PRR16: variants seen among roughly 807,000 people sequenced by gnomAD.
The protein encoded by PRR16 is protein Largen.
PRR16 carries 6 observed loss-of-function variants against 18.2 expected under a neutral mutation model. The observed-to-expected ratio is 0.33, with a 90% CI of 0.18 to 0.65. The LOEUF is 0.65. PRR16 is among the 30% of genes least tolerant of loss of function. The probability of loss-of-function intolerance (pLI) is 0.74; values close to 1 mark genes in which losing one functional copy is unlikely to be tolerated. For missense variants in PRR16, 412 were observed against 376.6 expected, an observed-to-expected ratio of 1.09 and a Z score of -0.78; for synonymous variants, 151 against 147.8, an observed-to-expected ratio of 1.02 and a Z score of -0.16.
chr5:120,505,897 A>G (rs1750627147), intron 1 of PRR16, among the ~76,000 whole-genome samples: 1 of 151,028 alleles, frequency 6.6e-6, no homozygotes, highest in African/African-American at 2.4e-5. Flanking sequence ...AGTAATATGT[A>G]TATATATACA....
At chr5:120,757,564 G>C in the PRR16 span, among the ~76,000 whole-genome samples, 2 of 151,836 alleles carry the variant, frequency 1.3e-5, no homozygotes, top group African/African-American at 2.4e-5. Context: ...GAAAAATAAT[G>C]TGGTGTTTGA....
the PRR16 span, among the ~76,000 whole-genome samples, chr5:120,704,189 G>T: frequency 6.6e-6 from 1 of 152,114 alleles, no homozygotes; most frequent in African/African-American, 2.4e-5. Context: ...TGTTGGTGGT[G>T]GAGAAGGACA....
intron 1 of PRR16, among the ~76,000 whole-genome samples, chr5:120,609,874 A>G (rs900171426): frequency 1.3e-5 from 2 of 152,172 alleles, no homozygotes; most frequent in Non-Finnish European, 2.9e-5. Flanking sequence ...TGGTCCCAGA[A>G]TTACTTTTTG....
chr5:120,703,086 C>A, the PRR16 span, among the ~76,000 whole-genome samples: 18 of 151,926 alleles, frequency 1.2e-4, no homozygotes, highest in African/African-American at 4.4e-4. Flanking sequence ...AAGGGTGGGG[C>A]CATTTTATAG....
chr5:120,656,922 A>C (rs1225848295), intron 1 of PRR16, among the ~76,000 whole-genome samples: 1 of 152,018 alleles, frequency 6.6e-6, no homozygotes, highest in East Asian at 1.9e-4. Context: ...GGAATATTTG[A>C]GGTTAAAATA....
At chr5:120,574,996 A>T (rs1753026367) in intron 1 of PRR16, among the ~76,000 whole-genome samples, 1 of 148,804 alleles carries the variant, frequency 6.7e-6, no homozygotes, top group South Asian at 2.1e-4. Flanking sequence ...AGTGCATTTC[A>T]ATAAGGTGTT....
intron 1 of PRR16, among the ~76,000 whole-genome samples, chr5:120,658,775 G>A (rs1756073518): frequency 6.6e-6 from 1 of 151,958 alleles, no homozygotes; most frequent in Admixed American, 6.6e-5. Flanking sequence ...TTATATGAGA[G>A]TGAAATCATA....
At chr5:120,638,298 G>A (rs937711248) in intron 1 of PRR16, among the ~76,000 whole-genome samples, 1 of 152,064 alleles carries the variant, frequency 6.6e-6, no homozygotes, top group Non-Finnish European at 1.5e-5. Flanking sequence ...TATAGAAATG[G>A]CATCACAGGT....
the PRR16 span, among the ~76,000 whole-genome samples, chr5:120,700,055 G>A: frequency 6.6e-6 from 1 of 152,146 alleles, no homozygotes; most frequent in African/African-American, 2.4e-5. Context: ...CAAAGCAATA[G>A]TAAAGAAAGC....
the PRR16 span, among the ~76,000 whole-genome samples, chr5:120,728,417 A>G: frequency 3.3e-5 from 5 of 151,916 alleles, no homozygotes; most frequent in African/African-American, 1.2e-4. Context: ...TTTTCTATTA[A>G]GGAGAGAATT....
In PRR16 at chr5:120,686,737, T is replaced by A. The variant is rs1272050842; in HGVS notation, c.*28T>A. On this transcript the variant is annotated 3_prime_UTR_variant, in exon 2 of 2. Coordinates refer to ENST00000407149, the MANE Select transcript of PRR16 (RefSeq NM_001300783.2). ...TATGCCATTAAAAAAATTGTTTTTT[T>A]AATTTTCTATATTATAAACATAAAA... 5 of 1,390,288 alleles carry A rather than the reference T, an allele frequency of 3.6e-6. No homozygotes were observed. The highest frequency in any genetic ancestry group is 3.5e-5 in the South Asian group (2 of 57,352). 86.1% of individuals were successfully genotyped at this position (1,390,288 alleles called of 1,614,324 possible).
At chr5:120,664,064 C>T (rs1051601709) in intron 1 of PRR16, among the ~76,000 whole-genome samples, 2 of 152,002 alleles carry the variant, frequency 1.3e-5, no homozygotes, top group African/African-American at 4.8e-5. Flanking sequence ...TTTTGGAGGC[C>T]GAGGCGGGCA....
chr5:120,724,118 G>C, the PRR16 span, among the ~76,000 whole-genome samples: 6,686 of 151,746 alleles, frequency 0.044, 507 homozygotes, highest in African/African-American at 0.15. Flanking sequence ...TTTCCAACTG[G>C]CTATTAATTG....
intron 1 of PRR16, among the ~76,000 whole-genome samples, chr5:120,578,707 T>A (rs775609451): frequency 5.9e-5 from 9 of 152,206 alleles, no homozygotes; most frequent in Non-Finnish European, 8.8e-5. Context: ...GCAGTAAACA[T>A]ATGTGTGCAT....
intron 1 of PRR16, among the ~76,000 whole-genome samples, chr5:120,612,926 T>C (rs1343153434): frequency 6.6e-6 from 1 of 152,186 alleles, no homozygotes; most frequent in Non-Finnish European, 1.5e-5. Flanking sequence ...ATGATCATAT[T>C]TTAATCCTGA....
In PRR16 at chr5:120,486,743, T is replaced by A. The variant is rs1326279550; in HGVS notation, c.159+22098T>A. On this transcript the variant is annotated intron_variant, in intron 1 of 1. Coordinates refer to ENST00000407149, the MANE Select transcript of PRR16 (RefSeq NM_001300783.2). ...GCCCATGTCTCTGTCCTGAATGGTA[T>A]TGCCTAGGTTTTCTTCTAGGGTTTT... Among the ~76,000 whole-genome samples, 4 of 152,138 alleles carry A rather than the reference T, an allele frequency of 2.6e-5. No homozygotes were observed. In the South Asian group the frequency reaches 6.2e-4, roughly 24 times the overall value.
intron 1 of PRR16, among the ~76,000 whole-genome samples, chr5:120,549,800 C>G (rs142269829): frequency 1.3e-5 from 2 of 151,990 alleles, no homozygotes; most frequent in East Asian, 3.9e-4. Context: ...TTTTGGAACA[C>G]GTACTATCCA....
At chr5:120,781,369 T>C in the PRR16 span, 1 of 152,198 alleles carries the variant, frequency 6.6e-6, no homozygotes, top group African/African-American at 2.4e-5. Context: ...CTGGGTATTT[T>C]TATGCTACTT....
At chr5:120,607,140 A>G (rs769273429) in intron 1 of PRR16, among the ~76,000 whole-genome samples, 1 of 152,226 alleles carries the variant, frequency 6.6e-6, no homozygotes, top group African/African-American at 2.4e-5. Context: ...GTGGTTCCCA[A>G]TTCAATTGTT....
Sources: gnomAD v4.1 joint callset for allele counts (sites outside exome capture counted in the v4.1 genomes callset) on GRCh38, gnomAD v4.1.1 for gene constraint, MANE v1.5 for transcripts, NCBI Gene and HGNC (gene_info 2026-07-23, HGNC 2026-07-21) for gene names.